SLIT3: variants seen among roughly 807,000 people sequenced by gnomAD.
SLIT3 encodes slit homolog 3 protein.
SLIT3 carries 68 observed loss-of-function variants against 184.0 expected under a neutral mutation model. The ratio of observed to expected loss-of-function variants is 0.37; its 90% confidence interval spans 0.30 to 0.45. The LOEUF is 0.45. Among genes scored for constraint, SLIT3 ranks in the 20% least tolerant of loss-of-function variants. The pLI, the probability that SLIT3 is intolerant of heterozygous loss-of-function variation, is 1.00. For missense variants in SLIT3, 1,707 were observed against 2,026.0 expected (o/e 0.84, Z 3.02); for synonymous variants, 831 against 828.6 (o/e 1.00, Z -0.05).
rs184196552 is a variant in SLIT3 at position 168,883,595 on chromosome 5, C to T, written c.414-259G>A. On this transcript the variant is annotated intron_variant, in intron 4 of 35. Coordinates refer to ENST00000519560, the MANE Select transcript of SLIT3 (RefSeq NM_003062.4). ...TGGGTGGTCTCGCACCTCCAGGCCA[C>T]GAGCCAAGAGGCTGGGTTATTTGTT... 3.4e-3 allele frequency among the ~76,000 whole-genome samples: 520 copies of T among 152,330 alleles called. 4 individuals carry two copies. The highest frequency in any genetic ancestry group is 6.2e-3 in the Non-Finnish European group (423 of 68,024).
rs183482287 is a variant in SLIT3 at position 169,164,017 on chromosome 5, G to C, written c.413+29462C>G. Among the ~76,000 whole-genome samples the C allele has an allele frequency of 5.1e-3, 774 of 152,282 alleles. 2 individuals carry two copies. Among genetic ancestry groups the C allele is most frequent in the Admixed American group, 8.6e-3 (131 of 15,294 alleles). On this transcript the variant is annotated intron_variant, in intron 4 of 35. Transcript: ENST00000519560. ...AGACAGGCAGTGGGCCCATCTCCCA[G>C]TGAGCTATGACAGACTCCAACCCCA...
At chr5:168,857,690 A>G (rs1053090288) in intron 5 of SLIT3, among the ~76,000 whole-genome samples, 1 of 152,228 alleles carries the variant, frequency 6.6e-6, no homozygotes, top group Non-Finnish European at 1.5e-5. Flanking sequence ...CAGTACATTG[A>G]GAATGTAAGT....
chr5:168,731,714 C>T (rs760578720), intron 20 of SLIT3, among the ~76,000 whole-genome samples: 4 of 152,198 alleles, frequency 2.6e-5, no homozygotes, highest in Non-Finnish European at 5.9e-5. Context: ...ATATGATCAT[C>T]TTAACAGATG....
chr5:169,198,953 T>TACACACACACACACACAC (rs58669966), intron 3 of SLIT3, among the ~76,000 whole-genome samples: 44 of 142,164 alleles, frequency 3.1e-4, no homozygotes, highest in African/African-American at 1.1e-3. Flanking sequence ...AAACAAACTA[T>TACACACACACACACACAC]ACACACACAC....
intron 4 of SLIT3, among the ~76,000 whole-genome samples, chr5:169,130,486 T>C (rs926924509): frequency 2.0e-5 from 3 of 152,152 alleles, no homozygotes; most frequent in Admixed American, 6.5e-5. Flanking sequence ...TTTCCTCATA[T>C]GTAAAAATGA....
intron 5 of SLIT3, among the ~76,000 whole-genome samples, chr5:168,866,586 C>T (rs1418447278): frequency 2.0e-5 from 3 of 152,176 alleles, no homozygotes; most frequent in African/African-American, 7.2e-5. Context: ...GGAAGTTCCC[C>T]CACTTTTTAT....
rs112008412 is a variant in SLIT3 at position 168,741,670 on chromosome 5, G to A, written c.2270+6632C>T. Among the ~76,000 whole-genome samples the A allele has an allele frequency of 6.2e-3, 943 of 152,172 alleles. 7 individuals carry two copies. The highest frequency in any genetic ancestry group is 0.014 in the Middle Eastern group (4 of 294). On this transcript the variant is annotated intron_variant, in intron 20 of 35. Coordinates refer to ENST00000519560, the MANE Select transcript of SLIT3 (RefSeq NM_003062.4). ...AACTACAACACAAGGCGATACCTGAGAGAAGAGCCATGGGGATACAAGTGA... is the reference window on the plus strand; with the variant it reads ...AACTACAACACAAGGCGATACCTGAAAGAAGAGCCATGGGGATACAAGTGA...
chr5:168,887,550 C>T (rs567214786), intron 4 of SLIT3, among the ~76,000 whole-genome samples: 29 of 152,288 alleles, frequency 1.9e-4, no homozygotes, highest in South Asian at 1.0e-3. Context: ...AATGATTACA[C>T]GTAGAGCACC....
intron 18 of SLIT3, among the ~76,000 whole-genome samples, chr5:168,751,265 A>G (rs1211250365): frequency 2.6e-5 from 4 of 152,208 alleles, no homozygotes; most frequent in Non-Finnish European, 1.5e-5. Context: ...TAGGGCAGCA[A>G]CAGGAGGTGT....
At chr5:169,138,160 C>A (rs894372376) in intron 4 of SLIT3, among the ~76,000 whole-genome samples, 3 of 152,170 alleles carry the variant, frequency 2.0e-5, no homozygotes, top group African/African-American at 7.2e-5. Context: ...TGTGTTGGTG[C>A]ATTTGACCCT....
At chr5:168,729,249 A>C (rs955284583) in intron 20 of SLIT3, among the ~76,000 whole-genome samples, 4 of 152,198 alleles carry the variant, frequency 2.6e-5, no homozygotes, top group African/African-American at 9.6e-5. Flanking sequence ...AAATTTCCCA[A>C]GTCTGTCAAG....
At chr5:168,882,662 C>A (rs558978784) in intron 5 of SLIT3, among the ~76,000 whole-genome samples, 1 of 152,052 alleles carries the variant, frequency 6.6e-6, no homozygotes, top group Non-Finnish European at 1.5e-5. Context: ...GACTTGTCTA[C>A]TATTTTTTGA....
intron 8 of SLIT3, among the ~76,000 whole-genome samples, chr5:168,816,829 G>A (rs928044449): frequency 1.3e-5 from 2 of 152,062 alleles, no homozygotes; most frequent in African/African-American, 2.4e-5. Flanking sequence ...TCCATATTGC[G>A]GATGAGCAGT....
Position 169,017,079 on chromosome 5 carries a change from T to C in SLIT3, c.414-133743A>G, listed in dbSNP as rs558829114. Among the ~76,000 whole-genome samples, 184 of 152,320 alleles carry C rather than the reference T, an allele frequency of 1.2e-3. 1 individual carries two copies. Among genetic ancestry groups the C allele is most frequent in the Non-Finnish European group, 2.6e-4 (18 of 68,040 alleles). Reference sequence around the variant, plus strand: ...TATTCTTGAAAGCAACTGCTTTAAATCCTCAAGTAACTCAGCACTTTGTGT... The same window carrying C: ...TATTCTTGAAAGCAACTGCTTTAAACCCTCAAGTAACTCAGCACTTTGTGT... On this transcript the variant is annotated intron_variant, in intron 4 of 35. Transcript: ENST00000519560.
At chr5:168,901,807 G>T (rs1693164641) in intron 4 of SLIT3, among the ~76,000 whole-genome samples, 1 of 152,200 alleles carries the variant, frequency 6.6e-6, no homozygotes, top group African/African-American at 2.4e-5. Context: ...CAGCTGATCT[G>T]GCTAACTAGG....
intron 3 of SLIT3, among the ~76,000 whole-genome samples, chr5:169,226,559 A>G (rs1225183316): frequency 6.6e-6 from 1 of 152,196 alleles, no homozygotes; most frequent in African/African-American, 2.4e-5. Flanking sequence ...TCAAATGCTG[A>G]TAATAGTCCC....
rs572557411 is a variant in SLIT3, at chr5:168,776,839, T to C, written c.1152-2461A>G. 1.8e-4 allele frequency among the ~76,000 whole-genome samples: 28 copies of C among 152,218 alleles called. 2 individuals are homozygous for C. In the South Asian group the frequency reaches 2.1e-3, roughly 11 times the overall value. ...CTTCACACACACAGTGTTTTGATTT[T>C]TTTTAAAGTACACACATGGTGAGTG... On this transcript the variant is annotated intron_variant, in intron 12 of 35. Transcript: ENST00000519560.
At chr5:169,067,142 G>C (rs1208455517) in intron 4 of SLIT3, among the ~76,000 whole-genome samples, 1 of 152,176 alleles carries the variant, frequency 6.6e-6, no homozygotes, top group Admixed American at 6.5e-5. Context: ...GGGTACAGTG[G>C]CTCATGTTTG....
chr5:169,153,245 C>A (rs1415919291), intron 4 of SLIT3, among the ~76,000 whole-genome samples: 1 of 151,304 alleles, frequency 6.6e-6, no homozygotes, highest in Non-Finnish European at 1.5e-5. Flanking sequence ...CCCACCCCAC[C>A]CCCACCCGCT....
Sources: allele counts gnomAD v4.1 joint callset (sites outside exome capture counted in the v4.1 genomes callset), GRCh38; gene constraint gnomAD v4.1.1; transcripts MANE v1.5; gene names NCBI Gene and HGNC (gene_info 2026-07-23, HGNC 2026-07-21).